Variants in PCDHGB6 observed in about 807,000 individuals in gnomAD.
The protein encoded by PCDHGB6 is protocadherin gamma-B6.
In PCDHGB6, 51 loss-of-function variants were observed where a neutral mutation model predicts 59.1. The observed-to-expected ratio is 0.86, with a 90% confidence interval of 0.69 to 1.09. PCDHGB6 has a LOEUF of 1.09. PCDHGB6 is among the 50% of genes least tolerant of loss of function. The pLI, the probability that PCDHGB6 is intolerant of heterozygous loss-of-function variation, is 0.00. For synonymous variants in PCDHGB6, 466 were observed against 495.1 expected (o/e 0.94, Z 0.78); for missense variants, 1,148 against 1,205.1 (o/e 0.95, Z 0.70).
intron 1 of PCDHGB6, among the ~76,000 whole-genome samples, chr5:141,435,412 T>C (rs2097761991): frequency 6.6e-6 from 1 of 152,222 alleles, no homozygotes; most frequent in Non-Finnish European, 1.5e-5. Flanking sequence ...TGGTAAAGAC[T>C]ATTTTTCACT....
chr5:141,457,264 C>T (rs2098915249), intron 1 of PCDHGB6, among the ~76,000 whole-genome samples: 1 of 152,142 alleles, frequency 6.6e-6, no homozygotes, highest in South Asian at 2.1e-4. Flanking sequence ...ATAGAATTCC[C>T]CTCTGTGGGC....
At position 141,476,015 on chromosome 5, in the gene PCDHGB6, C is replaced by A; in HGVS notation, c.2419-18792C>A. The A allele has an allele frequency of 7.4e-7, 1 of 1,344,728 alleles. No individual in the cohort carries two copies. The highest frequency in any genetic ancestry group is 1.0e-6 in the Non-Finnish European group (1 of 992,700). The allele number at this position is 1,344,728 out of a possible 1,614,324, so 83.3% of individuals were successfully genotyped here. A position where few individuals can be genotyped will look rare whatever the true frequency, so the allele number is the denominator to read the frequency against. ...ATCAACGGCATCCAGAAAGCCATGT[C>A]GGACTCGGCGCCCAGCGCCCAAGCG... On this transcript the variant is annotated intron_variant, in intron 1 of 3. Coordinates refer to ENST00000520790, the MANE Select transcript of PCDHGB6 (RefSeq NM_018926.3). This position sits in a 1 kb window ranked among gnomAD's most constrained non-coding sequence, Gnocchi z 7.6.
At chr5:141,420,101 T>C (rs1160215468) in intron 1 of PCDHGB6, 1 of 1,613,928 alleles carries the variant, frequency 6.2e-7, no homozygotes, top group Non-Finnish European at 8.5e-7. Flanking sequence ...TGAGGGAACG[T>C]TGCCCTATGC....
At chr5:141,415,859 T>C in intron 1 of PCDHGB6, 1 of 1,187,664 alleles carries the variant, frequency 8.4e-7, no homozygotes, top group Non-Finnish European at 1.1e-6. Context: ...CCTTGTAGTT[T>C]ATAGTGTTGT....
At chr5:141,471,263 C>T (rs2099253826) in intron 1 of PCDHGB6, 1 of 151,898 alleles carries the variant, frequency 6.6e-6, no homozygotes, top group African/African-American at 2.4e-5. Context: ...GTTGGCAAGG[C>T]TGGTCTCAAA....
Position 141,493,404 on chromosome 5 carries a change from C to T in PCDHGB6, c.2419-1403C>T, listed in dbSNP as rs2099748048. Among the ~76,000 whole-genome samples, 1 of 152,148 alleles carries T rather than the reference C, an allele frequency of 6.6e-6. No individual in the cohort carries two copies. Among genetic ancestry groups the T allele is most frequent in the South Asian group, 2.1e-4 (1 of 4,826 alleles). ...CTTGAGGACAGGAGAGGGGAGTTGC[C>T]TCTGCTGGGATTTTGCTTCTGCTGG... On this transcript the variant is annotated intron_variant, in intron 1 of 3. Transcript: ENST00000520790. The surrounding 1 kb of genome is among the most constrained non-coding windows in gnomAD (Gnocchi z 4.3).
chr5:141,412,664 A>G (rs959517920), intron 1 of PCDHGB6: 10 of 152,288 alleles, frequency 6.6e-5, no homozygotes, highest in African/African-American at 2.4e-4. Flanking sequence ...AGACACTAAT[A>G]TGACCTAAAA....
intron 1 of PCDHGB6, chr5:141,421,355 G>C (rs1561793348): frequency 6.2e-7 from 1 of 1,613,990 alleles, no homozygotes. Flanking sequence ...ACCGAAAAGG[G>C]CTCCTTCGTG....
rs1424221139 is a variant in PCDHGB6, at chr5:141,491,867, T to G, written c.2419-2940T>G. On this transcript the variant is annotated intron_variant, in intron 1 of 3. Coordinates refer to ENST00000520790, the MANE Select transcript of PCDHGB6 (RefSeq NM_018926.3). The surrounding 1 kb of genome is among the most constrained non-coding windows in gnomAD (Gnocchi z 6.9). ...TTGGACCGTTTGCGCGAAACCAGAG[T>G]GGCCGATTAAGGGATGGGGCTCCGA... 2 of 1,452,218 alleles carry G rather than the reference T, an allele frequency of 1.4e-6. No homozygotes were observed. The highest frequency in any genetic ancestry group is 1.8e-6 in the Non-Finnish European group (2 of 1,099,056). 90.0% of individuals were successfully genotyped at this position (1,452,218 alleles called of 1,614,324 possible).
chr5:141,490,051 G>T lies in PCDHGB6; in HGVS notation c.2419-4756G>T, dbSNP rs779280988. On this transcript the variant is annotated intron_variant, in intron 1 of 3. Coordinates refer to ENST00000520790, the MANE Select transcript of PCDHGB6 (RefSeq NM_018926.3). The surrounding 1 kb of genome is among the most constrained non-coding windows in gnomAD (Gnocchi z 5.4). ...CCGCCTCAATGCCACTGATCCAGACGAGGGCACCAACGGCCAACTAGACTA... is the reference window on the plus strand; with the variant it reads ...CCGCCTCAATGCCACTGATCCAGACTAGGGCACCAACGGCCAACTAGACTA... 3 of 1,614,214 alleles carry T rather than the reference G, an allele frequency of 1.9e-6. No homozygotes were observed. The Middle Eastern group carries it at 4.9e-4, about 266-fold the overall frequency.
intron 1 of PCDHGB6, among the ~76,000 whole-genome samples, chr5:141,494,113 C>G (rs2099751999): frequency 6.6e-6 from 1 of 152,214 alleles, no homozygotes; most frequent in Non-Finnish European, 1.5e-5. Flanking sequence ...TCAGACAGAG[C>G]AGCCTTGTTC....
chr5:141,489,101 T>G lies in PCDHGB6; in HGVS notation c.2419-5706T>G. 1 of 398,408 alleles carries G rather than the reference T, an allele frequency of 2.5e-6. No homozygotes were observed. Among genetic ancestry groups the G allele is most frequent in the Non-Finnish European group, 4.5e-6 (1 of 223,328 alleles). The allele number at this position is 398,408 out of a possible 1,614,324, so 24.7% of individuals were successfully genotyped here. On this transcript the variant is annotated intron_variant, in intron 1 of 3. Transcript: ENST00000520790. The surrounding 1 kb of genome is among the most constrained non-coding windows in gnomAD (Gnocchi z 4.5). Reference sequence around the variant, plus strand: ...CCGCCACTCGGTGACTAAGAACTGCTGCAAGCAGGCAAACCTCCGAGCAGT... The same window carrying G: ...CCGCCACTCGGTGACTAAGAACTGCGGCAAGCAGGCAAACCTCCGAGCAGT...
intron 1 of PCDHGB6, chr5:141,419,788 A>G (rs750179874): frequency 6.2e-7 from 1 of 1,614,054 alleles, no homozygotes; most frequent in Non-Finnish European, 8.5e-7. Context: ...AGCGCCTGCT[A>G]GTCGCTGTAA....
At chr5:141,451,124 A>T (rs2098707796) in intron 1 of PCDHGB6, among the ~76,000 whole-genome samples, 1 of 152,102 alleles carries the variant, frequency 6.6e-6, no homozygotes, top group Non-Finnish European at 1.5e-5. Context: ...CACCACACCC[A>T]GCCTTATGAT....
rs968865313 is a variant in PCDHGB6, at chr5:141,511,294, C to T, written c.*121C>T. 1 of 1,506,752 alleles carries T rather than the reference C, an allele frequency of 6.6e-7. No individual in the cohort carries two copies. Among genetic ancestry groups the T allele is most frequent in the Non-Finnish European group, 8.9e-7 (1 of 1,123,692 alleles). 93.3% of individuals were successfully genotyped at this position (1,506,752 alleles called of 1,614,324 possible). On this transcript the variant is annotated 3_prime_UTR_variant, in exon 4 of 4. Coordinates refer to ENST00000520790, the MANE Select transcript of PCDHGB6 (RefSeq NM_018926.3). ...CCCAGAATACTGGTAGGGGCCAAGG[C>T]CATGCTCCCCTTGGGAAACAGAAAC...
At chr5:141,460,983 G>GTGTGTA (rs1554142949) in intron 1 of PCDHGB6, among the ~76,000 whole-genome samples, 82 of 137,842 alleles carry the variant, frequency 5.9e-4, no homozygotes, top group African/African-American at 1.9e-3. Flanking sequence ...GTGTGTGTGT[G>GTGTGTA]TATATATATA....
At chr5:141,449,588 CAAAAAAA>C (rs768743917) in intron 1 of PCDHGB6, among the ~76,000 whole-genome samples, 5 of 57,506 alleles carry the variant, frequency 8.7e-5, no homozygotes, top group Admixed American at 3.6e-4. Flanking sequence ...GACTCTGTCT[CAAAAAAA>C]AAAAAAAAAA....
chr5:141,446,138 T>C (rs1254949926), intron 1 of PCDHGB6, among the ~76,000 whole-genome samples: 1 of 152,208 alleles, frequency 6.6e-6, no homozygotes, highest in African/African-American at 2.4e-5. Context: ...GACTTAATAA[T>C]GGAATAGGTG....
At chr5:141,462,116 C>T (rs535029363) in intron 1 of PCDHGB6, among the ~76,000 whole-genome samples, 3 of 152,152 alleles carry the variant, frequency 2.0e-5, no homozygotes, top group Admixed American at 1.3e-4. Context: ...AGCCACTGCA[C>T]CCAGTCCAAT....
Sources: allele counts gnomAD v4.1 joint callset (sites outside exome capture counted in the v4.1 genomes callset), GRCh38; gene constraint gnomAD v4.1.1; non-coding constraint Gnocchi (gnomAD v3.1); transcripts MANE v1.5; gene names NCBI Gene and HGNC (gene_info 2026-07-23, HGNC 2026-07-21).